The following DIABLO variants were observed in gnomAD, a reference collection of about 807,000 sequenced individuals.
DIABLO encodes diablo IAP-binding mitochondrial protein.
A neutral mutation model predicts 31.7 loss-of-function variants in DIABLO; 32 were observed. The observed-to-expected ratio is 1.01, with a 90% CI of 0.76 to 1.35. The LOEUF (loss-of-function observed/expected upper bound fraction) is 1.35, where lower values mean the gene tolerates loss of function less well. DIABLO is among the 40% of genes most tolerant of loss of function. The pLI is 0.00. For synonymous variants in DIABLO, 132 were observed against 103.2 expected (o/e 1.28, Z -1.69); for missense variants, 316 against 286.4 (o/e 1.10, Z -0.75).
At chr12:122,224,399 A>T (rs1954400319) in intron 2 of DIABLO, 113 bp downstream of exon 2, 7 of 1,504,750 alleles carry the variant, frequency 4.7e-6, no homozygotes, top group Non-Finnish European at 6.5e-6. Flanking sequence ...ACTGTGGGGG[A>T]AGGGATGGGA....
intron 2 of DIABLO, chr12:122,221,186 G>C (rs1428254731): frequency 1.3e-5 from 2 of 152,168 alleles, no homozygotes; most frequent in East Asian, 3.8e-4. Flanking sequence ...ATAGTTGTTG[G>C]ACAGGAATAA....
At chr12:122,209,985 TAAGTG>T (rs1276854026) in intron 5 of DIABLO, 1 of 580,186 alleles carries the variant, frequency 1.7e-6, no homozygotes, top group African/African-American at 1.9e-5. Flanking sequence ...GGGCATATGT[TAAGTG>T]GTTTTTCTCC....
At chr12:122,217,556 C>G (rs1331596711) in intron 3 of DIABLO, 2 of 154,708 alleles carry the variant, frequency 1.3e-5, no homozygotes, top group African/African-American at 4.8e-5. Flanking sequence ...GCTATGTCAC[C>G]CAGACGGAAG....
At position 122,218,357 on chromosome 12, in the gene DIABLO, C is replaced by T. The variant is rs1954261479; in HGVS notation, c.224G>A (p.Arg75Lys). Residue 75 changes from arginine to lysine, a missense_variant, in exon 3 of 6, where the codon AGG becomes AAG. Physicochemically the swap from Arg to Lys is conservative, Grantham distance 26. Transcript: ENST00000464942. ...PHSLSSEALM[R>K]RAVSLVTDST... is the part of the protein sequence containing the mutation. ...ATCTGTTACCAAAGACACTGCTCTC[C>T]TCATCAATGCTTCACTACTAAGGGA... The T allele has an allele frequency of 1.2e-6, 2 of 1,614,036 alleles. No individual in the cohort carries two copies. Among genetic ancestry groups the T allele is most frequent in the Middle Eastern group, 1.6e-4 (1 of 6,084 alleles).
rs1954457840 is a variant in DIABLO, at chr12:122,225,976, A to G, written c.39T>C (p.Thr13=). 6.3e-7 allele frequency: 1 copy of G among 1,599,912 alleles called. No homozygotes were observed. The highest frequency in any genetic ancestry group is 1.3e-5 in the African/African-American group (1 of 74,604). ...ALKSWLSRSV[T]SFFRYRQCLC... is the part of the protein sequence containing the mutation. The stretch of plus-strand genomic sequence containing the variant: ...GGCCGCAGCGGTACCTGAAGAATGA[A>G]GTTACGCTGCGCGACAGCCAACTCT... Residue 13 remains threonine (T), a synonymous_variant, in exon 1 of 6, where the codon ACT becomes ACC. Coordinates refer to ENST00000464942, the MANE Select transcript of DIABLO (RefSeq NM_001371333.1).
At chr12:122,218,554 G>A (rs1451052322) in intron 2 of DIABLO, 157 bp from the exon 3 acceptor site, 10 of 889,140 alleles carry the variant, frequency 1.1e-5, no homozygotes, top group Non-Finnish European at 1.6e-5. Context: ...GCCTTATTTT[G>A]GCAATTTAAG....
At position 122,208,204 on chromosome 12, in the gene DIABLO, C is replaced by T. The variant is rs753014480; in HGVS notation, c.*177G>A. On this transcript the variant is annotated 3_prime_UTR_variant, in exon 6 of 6. Coordinates refer to ENST00000464942, the MANE Select transcript of DIABLO (RefSeq NM_001371333.1). ...CCCAAGGGCTAAGAACCAGGTCCAG[C>T]GCAAGCCTGAGACCACAGGAGGCAC... 29 of 759,842 alleles carry T rather than the reference C, an allele frequency of 3.8e-5. No individual in the cohort carries two copies. In the Middle Eastern group the frequency reaches 2.5e-3, roughly 64 times the overall value. The allele number at this position is 759,842 out of a possible 1,614,324, so 47.1% of individuals were successfully genotyped here.
chr12:122,224,788 T>G (rs756450308), intron 1 of DIABLO, 144 bp from the exon 2 acceptor site: 4 of 1,564,436 alleles, frequency 2.6e-6, no homozygotes, highest in Non-Finnish European at 3.5e-6. Flanking sequence ...TTTTGAAATT[T>G]TCAACATACA....
chr12:122,210,301 T>G (rs576780973), intron 5 of DIABLO, among the ~76,000 whole-genome samples: 1 of 151,672 alleles, frequency 6.6e-6, no homozygotes, highest in East Asian at 1.9e-4. Context: ...TTGATAAAAC[T>G]CTCCCACGAA....
intron 5 of DIABLO, among the ~76,000 whole-genome samples, chr12:122,215,682 G>A (rs1006111539): frequency 1.3e-5 from 2 of 151,874 alleles, no homozygotes; most frequent in African/African-American, 4.8e-5. Flanking sequence ...GGGCACCTTG[G>A]GGCACCACGG....
intron 1 of DIABLO, chr12:122,225,439 G>A (rs1319281409): frequency 7.0e-6 from 7 of 999,324 alleles, no homozygotes; most frequent in Admixed American, 5.5e-5. Flanking sequence ...AGAAACGGAT[G>A]CCACAATAAC....
chr12:122,223,413 A>C (rs1375539948), intron 2 of DIABLO, among the ~76,000 whole-genome samples: 1 of 151,446 alleles, frequency 6.6e-6, no homozygotes, highest in Non-Finnish European at 1.5e-5. Flanking sequence ...CAGCCTGGCA[A>C]CAGAGTGAGA....
rs191569425 is a variant in DIABLO at position 122,211,129 on chromosome 12, G to T, written c.524-2552C>A. On this transcript the variant is annotated intron_variant, in intron 5 of 5. Coordinates refer to ENST00000464942, the MANE Select transcript of DIABLO (RefSeq NM_001371333.1). ...AAAAAAAAAATCACAGACGGGCACAGTGGCTCACGCCTGTAATCCCAGCAC... is the reference window on the plus strand; with the variant it reads ...AAAAAAAAAATCACAGACGGGCACATTGGCTCACGCCTGTAATCCCAGCAC... Among the ~76,000 whole-genome samples the T allele has an allele frequency of 4.9e-3, 670 of 135,406 alleles. 6 individuals are homozygous for T. Among genetic ancestry groups the T allele is most frequent in the African/African-American group, 0.017 (617 of 36,768 alleles). The allele number at this position is 135,406 out of a possible 152,430, so 88.8% of individuals were successfully genotyped here. A position where few individuals can be genotyped will look rare whatever the true frequency, so the allele number is the denominator to read the frequency against.
At chr12:122,223,689 T>C (rs775934011) in intron 2 of DIABLO, among the ~76,000 whole-genome samples, 1 of 152,204 alleles carries the variant, frequency 6.6e-6, no homozygotes, top group Non-Finnish European at 1.5e-5. Context: ...CACCAGATAG[T>C]ATAATGGCTC....
chr12:122,222,705 T>C (rs1329820619), intron 2 of DIABLO: 2 of 152,206 alleles, frequency 1.3e-5, no homozygotes, highest in African/African-American at 4.8e-5. Flanking sequence ...GATGAAACTG[T>C]TCCACCTCAG....
chr12:122,209,684 T>C (rs961505524), intron 5 of DIABLO: 3 of 681,406 alleles, frequency 4.4e-6, no homozygotes, highest in East Asian at 2.7e-5. Flanking sequence ...AAAAATGAGC[T>C]CTCTCATTTT....
intron 2 of DIABLO, among the ~76,000 whole-genome samples, chr12:122,223,429 T>A (rs1331170309): frequency 7.2e-6 from 1 of 138,902 alleles, no homozygotes; most frequent in African/African-American, 2.6e-5. Context: ...TGAGACTCTG[T>A]CTTTAAAAAA....
upstream of DIABLO, chr12:122,226,598 C>A (rs1954485738): frequency 2.9e-6 from 2 of 685,650 alleles, no homozygotes; most frequent in Admixed American, 2.1e-5. Flanking sequence ...CGGTCGGCGG[C>A]CTGCCGGGCT....
chr12:122,212,669 G>C (rs1282888720), intron 5 of DIABLO, among the ~76,000 whole-genome samples: 4 of 150,842 alleles, frequency 2.7e-5, no homozygotes, highest in Non-Finnish European at 5.9e-5. Flanking sequence ...CTGTTGCCCA[G>C]GGTGGAGTGC....
Sources: gnomAD v4.1 joint callset for allele counts (sites outside exome capture counted in the v4.1 genomes callset) on GRCh38, gnomAD v4.1.1 for gene constraint, MANE v1.5 for transcripts, NCBI Gene and HGNC (gene_info 2026-07-23, HGNC 2026-07-21) for gene names.